Variants in AP2M1 observed in about 807,000 individuals in gnomAD.
AP2M1 encodes the protein adaptor related protein complex 2 subunit mu 1.
AP2M1 carries 5 observed loss-of-function variants against 54.5 expected under a neutral mutation model. The observed-to-expected ratio is 0.09, with a 90% confidence interval of 0.05 to 0.19. The LOEUF (loss-of-function observed/expected upper bound fraction) is 0.19, where lower values mean the gene tolerates loss of function less well. Ranked by LOEUF, AP2M1 falls within the 10% of genes least tolerant of loss-of-function variation. AP2M1 has a pLI of 1.00. For missense variants in AP2M1, 178 were observed against 580.2 expected, an observed-to-expected ratio of 0.31 and a Z score of 7.12; for synonymous variants, 186 against 208.2, an observed-to-expected ratio of 0.89 and a Z score of 0.92.
rs1357888942 is a variant in AP2M1, at chr3:184,182,549, G to T, written c.1062-208G>T. ...AAGCAGACAAAGCAAACGATAGCAT[G>T]TCCAAGTGTCTAGGCAGAAACTGCA... is the stretch of plus-strand genomic sequence containing the variant. On this transcript the variant is annotated intron_variant, in intron 10 of 11. Transcript: ENST00000292807. This position sits in a 1 kb window ranked among gnomAD's most constrained non-coding sequence, Gnocchi z 5.5. Among the ~76,000 whole-genome samples the T allele has an allele frequency of 6.6e-6, 1 of 152,064 alleles. No individual in the cohort carries two copies. The highest frequency in any genetic ancestry group is 2.4e-5 in the African/African-American group (1 of 41,402).
At position 184,181,457 on chromosome 3, in the gene AP2M1, T is replaced by C; in HGVS notation, c.707+231T>C. On this transcript the variant is annotated intron_variant, in intron 7 of 11. Transcript: ENST00000292807. The surrounding 1 kb of genome is among the most constrained non-coding windows in gnomAD (Gnocchi z 5.7). ...CTAGGACCAAGGCCTTTTCTGTACA[T>C]ACTGACAGCCTCTGCCCAGTGTGCC... 1.2e-6 allele frequency: 1 copy of C among 801,764 alleles called. No homozygotes were observed. Among genetic ancestry groups the C allele is most frequent in the East Asian group, 2.7e-5 (1 of 37,084 alleles). 49.7% of individuals were successfully genotyped at this position (801,764 alleles called of 1,614,324 possible).
Position 184,183,624 on chromosome 3 carries a change from T to C in AP2M1, c.*8T>C. 1.2e-6 allele frequency: 2 copies of C among 1,611,214 alleles called. No homozygotes were observed. The highest frequency in any genetic ancestry group is 1.1e-5 in the South Asian group (1 of 91,000). On this transcript the variant is annotated 3_prime_UTR_variant, in exon 12 of 12. Transcript: ENST00000292807. This position sits in a 1 kb window ranked among gnomAD's most constrained non-coding sequence, Gnocchi z 5.7. Reference sequence around the variant, plus strand: ...TATGAAACTCGCTGCTAGCTGCCACTAGGCAGCTAGCCCACCTCCCCAGCC... The same window carrying C: ...TATGAAACTCGCTGCTAGCTGCCACCAGGCAGCTAGCCCACCTCCCCAGCC...
intron 1 of AP2M1, chr3:184,175,231 C>G (rs1343048788): frequency 1.1e-5 from 4 of 369,550 alleles, no homozygotes; most frequent in Non-Finnish European, 4.8e-6. Context: ...AGCAGGAACG[C>G]TGCGCAGCGC....
chr3:184,181,576 C>CA lies in AP2M1; in HGVS notation c.708-117dup, dbSNP rs2109031461. 3.6e-6 allele frequency: 5 copies of CA among 1,383,980 alleles called. No homozygotes were observed. The South Asian group carries it at 6.4e-5, about 18-fold the overall frequency. The allele number at this position is 1,383,980 out of a possible 1,614,324, so 85.7% of individuals were successfully genotyped here. A position where few individuals can be genotyped will look rare whatever the true frequency, so the allele number is the denominator to read the frequency against. On this transcript the variant is annotated intron_variant, in intron 7 of 11. Coordinates refer to ENST00000292807, the MANE Select transcript of AP2M1 (RefSeq NM_004068.4). This position sits in a 1 kb window ranked among gnomAD's most constrained non-coding sequence, Gnocchi z 5.7. The stretch of plus-strand genomic sequence containing the variant: ...AGCTCTGGGGCAGACCTCCGAGTCA[C>CA]AAAGCTGCATTCTAGCAGCTTTTCA...
chr3:184,181,590 A>G lies in AP2M1; in HGVS notation c.708-106A>G. 6.9e-7 allele frequency: 1 copy of G among 1,444,048 alleles called. No individual in the cohort carries two copies. Among genetic ancestry groups the G allele is most frequent in the Middle Eastern group, 2.2e-4 (1 of 4,462 alleles). 89.5% of individuals were successfully genotyped at this position (1,444,048 alleles called of 1,614,324 possible). On this transcript the variant is annotated intron_variant, in intron 7 of 11. Transcript: ENST00000292807. The surrounding 1 kb of genome is among the most constrained non-coding windows in gnomAD (Gnocchi z 5.7). ...CCTCCGAGTCACAAAGCTGCATTCT[A>G]GCAGCTTTTCATAGTCTCTGGTGCC...
rs1715303381 is a variant in AP2M1 at position 184,182,396 on chromosome 3, C to T, written c.1061+148C>T. Reference sequence around the variant, plus strand: ...CTGCTTGTACTGTCAGTCTTTATACCTCCATGTGAGTATGTACACGCCTGC... The same window carrying T: ...CTGCTTGTACTGTCAGTCTTTATACTTCCATGTGAGTATGTACACGCCTGC... On this transcript the variant is annotated intron_variant, in intron 10 of 11. Transcript: ENST00000292807. This position sits in a 1 kb window ranked among gnomAD's most constrained non-coding sequence, Gnocchi z 5.5. 7 of 820,884 alleles carry T rather than the reference C, an allele frequency of 8.5e-6. No individual in the cohort carries two copies. The Admixed American group carries it at 1.4e-4, about 17-fold the overall frequency. 50.9% of individuals were successfully genotyped at this position (820,884 alleles called of 1,614,324 possible).
rs757022574 is a variant in AP2M1, at chr3:184,182,775, C to G, written c.1080C>G (p.Gly360=). Residue 360 remains glycine (G), a synonymous_variant, in exon 11 of 12, where the codon GGC becomes GGG. Transcript: ENST00000292807. The surrounding 1 kb of genome is among the most constrained non-coding windows in gnomAD (Gnocchi z 5.5). ...TTCCCAGGATCAAGCGCATGGCAGG[C>G]ATGAAGGAATCGCAGATCAGCGCAG... The part of the protein sequence containing the change: ...AIVWKIKRMA[G]MKESQISAEI... The G allele has an allele frequency of 6.8e-6, 11 of 1,614,052 alleles. No homozygotes were observed. Among genetic ancestry groups the G allele is most frequent in the Non-Finnish European group, 9.3e-6 (11 of 1,179,960 alleles).
At chr3:184,177,456 A>T (rs1185543797) in intron 2 of AP2M1, 1 of 1,294,588 alleles carries the variant, frequency 7.7e-7, no homozygotes, top group Admixed American at 2.0e-5. Context: ...CCTTGCTCTC[A>T]GAAGCCCTTC....
At chr3:184,177,423 C>A in intron 2 of AP2M1, 1 of 921,832 alleles carries the variant, frequency 1.1e-6, no homozygotes, top group Non-Finnish European at 1.6e-6. Flanking sequence ...AGTGGCCACG[C>A]TGGAGGCACT....
At chr3:184,179,920 C>T (rs1034262309) in intron 3 of AP2M1, 6 of 526,830 alleles carry the variant, frequency 1.1e-5, no homozygotes, top group South Asian at 6.6e-5. Context: ...CTTGGCCTCC[C>T]GAAGTGTTGG....
Position 184,179,043 on chromosome 3 carries a change from C to T in AP2M1, c.261C>T (p.Asp87=), listed in dbSNP as rs560148625. 8.1e-5 allele frequency: 131 copies of T among 1,614,178 alleles called. 1 individual carries two copies. The South Asian group carries it at 1.0e-3, about 13-fold the overall frequency. The change falls in exon 3 of 12, where the codon GAC becomes GAT. Residue 87 remains aspartate, a synonymous_variant. Coordinates refer to ENST00000292807, the MANE Select transcript of AP2M1 (RefSeq NM_004068.4). ...TCGAATTCCTCTATAAGATGTGTGA[C>T]GTGATGGCTGCCTACTTTGGCAAGA... ...MVFEFLYKMC[D]VMAAYFGKIS...
Position 184,182,213 on chromosome 3 carries a change from C to T in AP2M1, c.1026C>T (p.Ala342=). Residue 342 remains alanine, a synonymous_variant, in exon 10 of 12, where the codon GCC becomes GCT. Transcript: ENST00000292807. The surrounding 1 kb of genome is among the most constrained non-coding windows in gnomAD (Gnocchi z 5.5). Reference sequence around the variant, plus strand: ...AGGTGATCTGCATGAAGGGGAAGGCCAAGTACAAGGCCAGCGAGAATGCCA... The same window carrying T: ...AGGTGATCTGCATGAAGGGGAAGGCTAAGTACAAGGCCAGCGAGAATGCCA... ...GVQVICMKGK[A]KYKASENAIV... The T allele has an allele frequency of 6.2e-7, 1 of 1,614,140 alleles. No homozygotes were observed. Among genetic ancestry groups the T allele is most frequent in the Non-Finnish European group, 8.5e-7 (1 of 1,180,034 alleles).
In AP2M1 at chr3:184,180,043, A is replaced by T; in HGVS notation, c.341-126A>T. ...ATCACAGAATAAATGCTACAAAGCT[A>T]GAAGACTTTCTTGCGGATGATCCCA... is the stretch of plus-strand genomic sequence containing the variant. On this transcript the variant is annotated intron_variant, in intron 3 of 11. Coordinates refer to ENST00000292807, the MANE Select transcript of AP2M1 (RefSeq NM_004068.4). The surrounding 1 kb of genome is among the most constrained non-coding windows in gnomAD (Gnocchi z 4.9). 1.3e-6 allele frequency: 1 copy of T among 773,054 alleles called. No individual in the cohort carries two copies. Among genetic ancestry groups the T allele is most frequent in the Non-Finnish European group, 2.2e-6 (1 of 463,308 alleles). The allele number at this position is 773,054 out of a possible 1,614,324, so 47.9% of individuals were successfully genotyped here.
Position 184,180,174 on chromosome 3 carries a change from C to A in AP2M1, c.346C>A (p.Leu116Ile). 1 of 1,614,190 alleles carries A rather than the reference C, an allele frequency of 6.2e-7. No individual in the cohort carries two copies. Among genetic ancestry groups the A allele is most frequent in the East Asian group, 2.2e-5 (1 of 44,878 alleles). The change falls in exon 4 of 12, where the codon CTA becomes ATA. Residue 116 changes from leucine (L) to isoleucine (I), a missense_variant. Transcript: ENST00000292807. This position sits in a 1 kb window ranked among gnomAD's most constrained non-coding sequence, Gnocchi z 4.9. The stretch of plus-strand genomic sequence containing the variant: ...TGGTTCCCTTCTTTTTGCAGAGATT[C>A]TAGACTTTGGCTACCCACAGAATTC... ...VLIYELLDEILDFGYPQNSET... is the reference protein window; with the variant it reads ...VLIYELLDEIIDFGYPQNSET...
chr3:184,179,276 C>T, intron 3 of AP2M1, 154 bp downstream of exon 3: 1 of 922,550 alleles, frequency 1.1e-6, no homozygotes, highest in African/African-American at 1.7e-5. Flanking sequence ...CTATGCCCCT[C>T]AGAAGGCCAG....
chr3:184,177,038 C>T lies in AP2M1; in HGVS notation c.45C>T (p.Leu15=), dbSNP rs878937674. Residue 15 remains leucine (L), a synonymous_variant, in exon 2 of 12, where the codon CTC becomes CTT. Coordinates refer to ENST00000292807, the MANE Select transcript of AP2M1 (RefSeq NM_004068.4). ...LFIYNHKGEV[L]ISRVYRDDIG... ...TCTATAATCACAAGGGGGAGGTGCT[C>T]ATCTCCCGAGTCTACCGAGATGACA... 1 of 1,613,894 alleles carries T rather than the reference C, an allele frequency of 6.2e-7. No individual in the cohort carries two copies.
In AP2M1 at chr3:184,176,978, A is replaced by G; in HGVS notation, c.-16A>G. On this transcript the variant is annotated 5_prime_UTR_variant, in exon 2 of 12. Coordinates refer to ENST00000292807, the MANE Select transcript of AP2M1 (RefSeq NM_004068.4). Reference sequence around the variant, plus strand: ...CTGTTCTCAGAGCGATGGGCCGCGGAGACTGATCTGCCGCCATGATTGGAG... The same window carrying G: ...CTGTTCTCAGAGCGATGGGCCGCGGGGACTGATCTGCCGCCATGATTGGAG... The G allele has an allele frequency of 6.2e-7, 1 of 1,613,396 alleles. No individual in the cohort carries two copies. The highest frequency in any genetic ancestry group is 1.3e-5 in the African/African-American group (1 of 74,994).
In AP2M1 at chr3:184,182,057, G is replaced by A. The variant is rs200439653; in HGVS notation, c.963+10G>A. The stretch of plus-strand genomic sequence containing the variant: ...GGCTCAGAAGATCGAGGTGAGGACA[G>A]GGGGCTCAAGGAGGAGGAAGAACTT... On this transcript the variant is annotated intron_variant, in intron 9 of 11. Transcript: ENST00000292807. The surrounding 1 kb of genome is among the most constrained non-coding windows in gnomAD (Gnocchi z 5.5). 663 of 1,612,412 alleles carry A rather than the reference G, an allele frequency of 4.1e-4. 7 individuals carry two copies. Among genetic ancestry groups the A allele is most frequent in the South Asian group, 3.8e-3 (343 of 90,882 alleles).
chr3:184,178,805 G>A lies in AP2M1; in HGVS notation c.75-52G>A, dbSNP rs761259783. The A allele has an allele frequency of 1.9e-4, 302 of 1,592,902 alleles. No homozygotes were observed. Among genetic ancestry groups the A allele is most frequent in the Non-Finnish European group, 2.4e-4 (277 of 1,166,718 alleles). ...TTAGCAGCTGTGGTTGATCCTTATGGGGTAAGGTTCACCTGGGTGCTGAGC... is the reference window on the plus strand; with the variant it reads ...TTAGCAGCTGTGGTTGATCCTTATGAGGTAAGGTTCACCTGGGTGCTGAGC... On this transcript the variant is annotated intron_variant, in intron 2 of 11. Coordinates refer to ENST00000292807, the MANE Select transcript of AP2M1 (RefSeq NM_004068.4). The surrounding 1 kb of genome is among the most constrained non-coding windows in gnomAD (Gnocchi z 4.9).
Sources: allele counts gnomAD v4.1 joint callset (sites outside exome capture counted in the v4.1 genomes callset), GRCh38; gene constraint gnomAD v4.1.1; non-coding constraint Gnocchi (gnomAD v3.1); transcripts MANE v1.5; gene names NCBI Gene and HGNC (gene_info 2026-07-23, HGNC 2026-07-21).